ZC2HC1B: variants seen among roughly 807,000 people sequenced by gnomAD.
ZC2HC1B encodes the protein zinc finger C2HC domain-containing protein 1B.
A neutral mutation model predicts 31.0 loss-of-function variants in ZC2HC1B; 36 were observed. That is an observed-to-expected ratio of 1.16 (90% CI 0.89 to 1.54). ZC2HC1B has a LOEUF of 1.54. Among genes scored for constraint, ZC2HC1B ranks in the 40% most tolerant of loss-of-function variants. The probability of loss-of-function intolerance (pLI) is 0.00; values close to 1 mark genes in which losing one functional copy is unlikely to be tolerated. For synonymous variants in ZC2HC1B, 73 were observed against 88.0 expected (o/e 0.83, Z 0.95); for missense variants, 260 against 268.6 (o/e 0.97, Z 0.22).
In ZC2HC1B at chr6:143,884,688, A is replaced by C. The variant is rs967985329; in HGVS notation, c.90+323A>C. 6.6e-6 allele frequency among the ~76,000 whole-genome samples: 1 copy of C among 152,220 alleles called. No individual in the cohort carries two copies. The highest frequency in any genetic ancestry group is 2.4e-5 in the African/African-American group (1 of 41,458). The stretch of plus-strand genomic sequence containing the variant: ...AAAATTCAAATTTCAAGGCCAAAGC[A>C]CCAGGGAAATTAGCTAGTCAAGAGG... On this transcript the variant is annotated intron_variant, in intron 2 of 7. Transcript: ENST00000237275. The surrounding 1 kb of genome is among the most constrained non-coding windows in gnomAD (Gnocchi z 5.1).
rs150101315 is a variant in ZC2HC1B at position 143,895,590 on chromosome 6, C to T, written c.350-2962C>T. On this transcript the variant is annotated intron_variant, in intron 4 of 7. Transcript: ENST00000237275. The surrounding 1 kb of genome is among the most constrained non-coding windows in gnomAD (Gnocchi z 4.8). The stretch of plus-strand genomic sequence containing the variant: ...TATTTTCATGATTCAGTTTTTGAGA[C>T]ATGCCTATATTCTACTTTTTAGTGA... Among the ~76,000 whole-genome samples, 1 of 152,288 alleles carries T rather than the reference C, an allele frequency of 6.6e-6. No homozygotes were observed. The highest frequency in any genetic ancestry group is 1.9e-4 in the East Asian group (1 of 5,192).
chr6:143,903,012 T>A lies in ZC2HC1B; in HGVS notation c.490-32T>A, dbSNP rs1274101190. The A allele has an allele frequency of 5.2e-6, 8 of 1,547,612 alleles. No individual in the cohort carries two copies. Among genetic ancestry groups the A allele is most frequent in the Non-Finnish European group, 7.0e-6 (8 of 1,143,740 alleles). Reference sequence around the variant, plus strand: ...CACCTGAGGTTACATACAGAAGGTGTTCTCTTTGTCTCTTTCTTTCTCTCT... The same window carrying A: ...CACCTGAGGTTACATACAGAAGGTGATCTCTTTGTCTCTTTCTTTCTCTCT... On this transcript the variant is annotated intron_variant, in intron 5 of 7. Transcript: ENST00000237275. The surrounding 1 kb of genome is among the most constrained non-coding windows in gnomAD (Gnocchi z 4.3).
chr6:143,901,388 T>C (rs930333869), intron 5 of ZC2HC1B, among the ~76,000 whole-genome samples: 3 of 149,212 alleles, frequency 2.0e-5, no homozygotes, highest in Non-Finnish European at 4.4e-5. Flanking sequence ...GCCTTCCAAG[T>C]AGCTTGGATT....
intron 5 of ZC2HC1B, among the ~76,000 whole-genome samples, chr6:143,901,661 C>T (rs1053187247): frequency 6.6e-6 from 1 of 152,044 alleles, no homozygotes; most frequent in African/African-American, 2.4e-5. Flanking sequence ...TCATGTGTAC[C>T]TTGCTGAGTT....
intron 4 of ZC2HC1B, among the ~76,000 whole-genome samples, chr6:143,891,351 T>A (rs1047966229): frequency 1.1e-4 from 17 of 152,108 alleles, no homozygotes; most frequent in Admixed American, 3.3e-4. Context: ...CAAATTAACC[T>A]ATGGATTCAA....
chr6:143,913,561 C>A lies in ZC2HC1B; in HGVS notation c.598+10409C>A, dbSNP rs974682311. Among the ~76,000 whole-genome samples the A allele has an allele frequency of 1.3e-5, 2 of 152,318 alleles. No individual in the cohort carries two copies. The highest frequency in any genetic ancestry group is 3.9e-4 in the East Asian group (2 of 5,186). On this transcript the variant is annotated intron_variant, in intron 6 of 7. Transcript: ENST00000237275. This position sits in a 1 kb window ranked among gnomAD's most constrained non-coding sequence, Gnocchi z 5.7. ...CCTAGGGATATATGCAGACCACCTA[C>A]CTTGCCTGTGTTGCAGAAAGACTGG...
chr6:143,893,841 C>T (rs1171897996), intron 4 of ZC2HC1B, among the ~76,000 whole-genome samples: 1 of 152,020 alleles, frequency 6.6e-6, no homozygotes, highest in Non-Finnish European at 1.5e-5. Flanking sequence ...CACCCACCAC[C>T]ACACCCAGCT....
Position 143,869,227 on chromosome 6 carries a change from AC to A in ZC2HC1B, c.28+4663del, listed in dbSNP as rs1245410808. Among the ~76,000 whole-genome samples the A allele has an allele frequency of 6.6e-6, 1 of 152,120 alleles. No homozygotes were observed. The highest frequency in any genetic ancestry group is 2.4e-5 in the African/African-American group (1 of 41,416). ...ACAGGACATGGTAATACTAAGAGAC[AC>A]CCTAATAGATCTCCTGTATTCCATG... On this transcript the variant is annotated intron_variant, in intron 1 of 7. Coordinates refer to ENST00000237275, the MANE Select transcript of ZC2HC1B (RefSeq NM_001013623.3). This position sits in a 1 kb window ranked among gnomAD's most constrained non-coding sequence, Gnocchi z 5.2.
chr6:143,885,299 C>CCACCAGGGCTGTAGACA lies in ZC2HC1B; in HGVS notation c.91-727_91-726insGGCTGTAGACACACCAG, dbSNP rs2128493972. Among the ~76,000 whole-genome samples, 1 of 152,296 alleles carries CCACCAGGGCTGTAGACA rather than the reference C, an allele frequency of 6.6e-6. No individual in the cohort carries two copies. The highest frequency in any genetic ancestry group is 6.5e-5 in the Admixed American group (1 of 15,300). ...GCGGGGCTGGTTGTGGCCCTGTAGT[C>CCACCAGGGCTGTAGACA]CACCAGTGTGTGTCACTGCCTTTGC... is the stretch of plus-strand genomic sequence containing the variant. On this transcript the variant is annotated intron_variant, in intron 2 of 7. Transcript: ENST00000237275. The surrounding 1 kb of genome is among the most constrained non-coding windows in gnomAD (Gnocchi z 4.2).
Position 143,868,627 on chromosome 6 carries a change from A to G in ZC2HC1B, c.28+4060A>G, listed in dbSNP as rs1417369384. On this transcript the variant is annotated intron_variant, in intron 1 of 7. Coordinates refer to ENST00000237275, the MANE Select transcript of ZC2HC1B (RefSeq NM_001013623.3). This position sits in a 1 kb window ranked among gnomAD's most constrained non-coding sequence, Gnocchi z 4.2. ...ACACACCCAGGATCAATAACTTTGC[A>G]TCCTTCTTTCCAATCAGGTTGACAC... is the stretch of plus-strand genomic sequence containing the variant. 2.0e-5 allele frequency among the ~76,000 whole-genome samples: 3 copies of G among 152,180 alleles called. No homozygotes were observed. The highest frequency in any genetic ancestry group is 7.2e-5 in the African/African-American group (3 of 41,448).
Position 143,873,184 on chromosome 6 carries a change from A to T in ZC2HC1B, c.28+8617A>T, listed in dbSNP as rs146625260. Among the ~76,000 whole-genome samples the T allele has an allele frequency of 4.9e-4, 75 of 152,350 alleles. 1 individual carries two copies. In the East Asian group the frequency reaches 9.3e-3, roughly 19 times the overall value. Reference sequence around the variant, plus strand: ...ACAAAGGGGTTACAGGGCCCATGCAAATGTGAAATCCAGCAGGGCAGTCAA... The same window carrying T: ...ACAAAGGGGTTACAGGGCCCATGCATATGTGAAATCCAGCAGGGCAGTCAA... On this transcript the variant is annotated intron_variant, in intron 1 of 7. Coordinates refer to ENST00000237275, the MANE Select transcript of ZC2HC1B (RefSeq NM_001013623.3).
intron 6 of ZC2HC1B, among the ~76,000 whole-genome samples, chr6:143,927,248 C>T (rs1428634333): frequency 6.6e-6 from 1 of 152,028 alleles, no homozygotes; most frequent in African/African-American, 2.4e-5. Context: ...GTAACCATCA[C>T]CTGAATAGTG....
intron 5 of ZC2HC1B, among the ~76,000 whole-genome samples, chr6:143,902,053 C>T (rs1334484020): frequency 6.6e-6 from 1 of 152,130 alleles, no homozygotes; most frequent in Non-Finnish European, 1.5e-5. Context: ...AGTGACTTGG[C>T]CCCACTCCTC....
chr6:143,875,645 G>T (rs916440893), intron 1 of ZC2HC1B, among the ~76,000 whole-genome samples: 2 of 150,390 alleles, frequency 1.3e-5, no homozygotes, highest in Admixed American at 6.6e-5. Flanking sequence ...AATTCTTTTC[G>T]AGTGTATCGC....
Position 143,895,765 on chromosome 6 carries a change from G to A in ZC2HC1B, c.350-2787G>A, listed in dbSNP as rs1287972129. 6.6e-6 allele frequency among the ~76,000 whole-genome samples: 1 copy of A among 152,164 alleles called. No homozygotes were observed. The highest frequency in any genetic ancestry group is 1.9e-4 in the East Asian group (1 of 5,200). ...ATAGCTACATAGACACGGATACACA[G>A]CACAATATTGGCATTTTAAAATAAT... On this transcript the variant is annotated intron_variant, in intron 4 of 7. Coordinates refer to ENST00000237275, the MANE Select transcript of ZC2HC1B (RefSeq NM_001013623.3). This position sits in a 1 kb window ranked among gnomAD's most constrained non-coding sequence, Gnocchi z 4.8.
chr6:143,936,921 A>C (rs1327249672), intron 6 of ZC2HC1B, among the ~76,000 whole-genome samples: 1 of 152,206 alleles, frequency 6.6e-6, no homozygotes, highest in East Asian at 1.9e-4. Flanking sequence ...CTAACACTGA[A>C]AGCTCTTTCT....
rs1460336750 is a variant in ZC2HC1B at position 143,934,266 on chromosome 6, T to G, written c.599-3383T>G. On this transcript the variant is annotated intron_variant, in intron 6 of 7. Transcript: ENST00000237275. The surrounding 1 kb of genome is among the most constrained non-coding windows in gnomAD (Gnocchi z 4.6). ...TTCAAAGGATCTGTGATTTCTTTTG[T>G]TTTTCCTGGTATGCTCCTGCAGTTG... Among the ~76,000 whole-genome samples, 1 of 152,208 alleles carries G rather than the reference T, an allele frequency of 6.6e-6. No individual in the cohort carries two copies. The highest frequency in any genetic ancestry group is 2.4e-5 in the African/African-American group (1 of 41,448).
chr6:143,929,831 T>A (rs570381026), intron 6 of ZC2HC1B, among the ~76,000 whole-genome samples: 1 of 152,336 alleles, frequency 6.6e-6, no homozygotes, highest in Admixed American at 6.5e-5. Flanking sequence ...GTTGTATAGA[T>A]TCCACAAATT....
At chr6:143,936,267 G>A (rs1296694069) in intron 6 of ZC2HC1B, among the ~76,000 whole-genome samples, 1 of 152,096 alleles carries the variant, frequency 6.6e-6, no homozygotes, top group Non-Finnish European at 1.5e-5. Context: ...AGCAACTGGC[G>A]TATGAACTCA....
Sources: gnomAD v4.1 joint callset for allele counts (sites outside exome capture counted in the v4.1 genomes callset) on GRCh38, gnomAD v4.1.1 for gene constraint, Gnocchi (gnomAD v3.1) non-coding constraint, MANE v1.5 for transcripts, NCBI Gene and HGNC (gene_info 2026-07-23, HGNC 2026-07-21) for gene names.